Variants in TBX15 observed in about 807,000 individuals in gnomAD.
TBX15 encodes T-box transcription factor TBX15.
In TBX15, 18 loss-of-function variants were observed where a neutral mutation model predicts 53.9. That is an observed-to-expected ratio of 0.33 (90% confidence interval 0.23 to 0.49). The LOEUF (loss-of-function observed/expected upper bound fraction) is 0.49, where lower values mean the gene tolerates loss of function less well. TBX15 is among the 20% of genes least tolerant of loss of function. TBX15 has a pLI of 0.98. For synonymous variants in TBX15, 295 were observed against 278.0 expected, an observed-to-expected ratio of 1.06 and a Z score of -0.61; for missense variants, 692 against 749.5, an observed-to-expected ratio of 0.92 and a Z score of 0.90.
intron 7 of TBX15, among the ~76,000 whole-genome samples, chr1:118,893,141 A>G: frequency 6.6e-6 from 1 of 151,804 alleles, no homozygotes; most frequent in Non-Finnish European, 1.5e-5. Context: ...CAGGAGGCTG[A>G]GGCAGGAGAA....
chr1:118,890,662 C>T (rs532544210), intron 7 of TBX15, among the ~76,000 whole-genome samples: 5 of 152,248 alleles, frequency 3.3e-5, no homozygotes, highest in Admixed American at 6.5e-5. Context: ...ACAAGTTAAA[C>T]GTGACCATGA....
At chr1:118,900,555 A>G (rs1199086954) in intron 6 of TBX15, among the ~76,000 whole-genome samples, 1 of 151,954 alleles carries the variant, frequency 6.6e-6, no homozygotes, top group African/African-American at 2.4e-5. Context: ...GAGGCTTTAA[A>G]TACACCAATG....
chr1:118,962,970 T>G (rs150072415), intron 1 of TBX15, among the ~76,000 whole-genome samples: 205 of 152,320 alleles, frequency 1.3e-3, no homozygotes, highest in African/African-American at 4.7e-3. Flanking sequence ...GAATGAAACT[T>G]TTAAGGAAGA....
rs779157318 is a variant in TBX15 at position 118,926,568 on chromosome 1, G to A, written c.463C>T (p.Pro155Ser). Residue 155 changes from proline to serine, a missense_variant, in exon 3 of 8, where the codon CCA (proline) becomes TCA (serine). Around this residue, in one of 3 missense-constraint regions of TBX15, gnomAD observed 307 missense variants for 347.5 expected, o/e 0.88. Coordinates refer to ENST00000369429, the MANE Select transcript of TBX15 (RefSeq NM_001330677.2). ...AMRVKITGLD[P>S]HQQYYIAMDI... ...ATTGCTATGTAGTACTGCTGATGTG[G>A]ATCTAGGCCAGTGATTTTCACTCTC... 6.2e-7 allele frequency: 1 copy of A among 1,613,938 alleles called. No homozygotes were observed. The highest frequency in any genetic ancestry group is 1.7e-5 in the Admixed American group (1 of 60,012).
Position 118,987,707 on chromosome 1 carries a change from C to A in TBX15, c.89G>T (p.Arg30Leu). The stretch of plus-strand genomic sequence containing the variant: ...CTTCTCCTCCCAGTCTCGCAGTTTC[C>A]GTTTTTTATTTGAGCCGATCAAGGC... ...VEALIGSNKK[R>L]KLRDWEEKGL... is the part of the protein sequence containing the mutation. Residue 30 changes from arginine to leucine, a missense_variant, in exon 1 of 8, where the codon CGG becomes CTG. Physicochemically the swap from Arg to Leu is moderately radical, Grantham distance 102. Around this residue, in one of 3 missense-constraint regions of TBX15, gnomAD observed 307 missense variants for 347.5 expected, o/e 0.88. Transcript: ENST00000369429. 6.4e-7 allele frequency: 1 copy of A among 1,550,442 alleles called. No individual in the cohort carries two copies. The highest frequency in any genetic ancestry group is 8.7e-7 in the Non-Finnish European group (1 of 1,146,864).
At chr1:118,974,451 A>C (rs572998069) in intron 1 of TBX15, among the ~76,000 whole-genome samples, 11 of 152,300 alleles carry the variant, frequency 7.2e-5, no homozygotes, top group African/African-American at 2.4e-4. Context: ...CACGCACCAA[A>C]ACAGGGGCAG....
chr1:118,887,592 T>C (rs147442552), intron 7 of TBX15, among the ~76,000 whole-genome samples: 8,867 of 151,980 alleles, frequency 0.058, 365 homozygotes, highest in Non-Finnish European at 0.088. Context: ...GGAGAATCTC[T>C]TGAGCCCAGG....
chr1:118,954,360 T>C (rs904869916), intron 1 of TBX15, among the ~76,000 whole-genome samples: 1 of 152,214 alleles, frequency 6.6e-6, no homozygotes, highest in African/African-American at 2.4e-5. Context: ...AAGGCAGTTC[T>C]AAAAGCACCA....
At chr1:118,985,846 C>T (rs909084144) in intron 1 of TBX15, among the ~76,000 whole-genome samples, 2 of 152,208 alleles carry the variant, frequency 1.3e-5, no homozygotes, top group Non-Finnish European at 2.9e-5. Flanking sequence ...CCCAGGTTCA[C>T]GCTCTGGAAT....
At chr1:118,973,228 G>T (rs542148590) in intron 1 of TBX15, among the ~76,000 whole-genome samples, 3 of 152,310 alleles carry the variant, frequency 2.0e-5, no homozygotes, top group African/African-American at 7.2e-5. Context: ...ACAGCCAGAA[G>T]AGTTGCTCAA....
chr1:118,884,691 G>A lies in TBX15; in HGVS notation c.*41C>T, dbSNP rs759037360. The stretch of plus-strand genomic sequence containing the variant: ...GAGGATCTGACCACGGAGACTCTGG[G>A]GCCTTGATTGCCAAATGCTCCGTGG... On this transcript the variant is annotated 3_prime_UTR_variant, in exon 8 of 8. Transcript: ENST00000369429. 33 of 1,612,986 alleles carry A rather than the reference G, an allele frequency of 2.0e-5. No individual in the cohort carries two copies. The highest frequency in any genetic ancestry group is 2.8e-5 in the Non-Finnish European group (33 of 1,179,552).
chr1:118,956,818 C>A (rs1233220161), intron 1 of TBX15, among the ~76,000 whole-genome samples: 1 of 151,914 alleles, frequency 6.6e-6, no homozygotes, highest in Non-Finnish European at 1.5e-5. Context: ...CGGAAATTAG[C>A]CAGGCATGGT....
chr1:118,897,429 A>C (rs1446559548), intron 7 of TBX15, among the ~76,000 whole-genome samples: 1 of 152,174 alleles, frequency 6.6e-6, no homozygotes, highest in African/African-American at 2.4e-5. Context: ...ATCCCTGCCA[A>C]CCTTCTCCGA....
chr1:118,981,149 G>A (rs1001582669), intron 1 of TBX15, among the ~76,000 whole-genome samples: 1 of 152,076 alleles, frequency 6.6e-6, no homozygotes, highest in African/African-American at 2.4e-5. Flanking sequence ...TTCTGACTTT[G>A]GTCACAGTCA....
intron 1 of TBX15, among the ~76,000 whole-genome samples, chr1:118,980,637 CTTAG>C (rs67573678): frequency 0.069 from 10,478 of 152,152 alleles, 475 homozygotes; most frequent in East Asian, 0.2. Flanking sequence ...TAAGATTTAT[CTTAG>C]TTATTCCGTT....
At chr1:118,894,785 G>A (rs1010299691) in intron 7 of TBX15, among the ~76,000 whole-genome samples, 33 of 152,174 alleles carry the variant, frequency 2.2e-4, no homozygotes, top group Non-Finnish European at 3.1e-4. Context: ...AAGGAACTTC[G>A]GGGACAAAAC....
chr1:118,893,269 AGAAGGAAGGAAGGAAGGAAG>A (rs373917263), intron 7 of TBX15, among the ~76,000 whole-genome samples: 52 of 61,136 alleles, frequency 8.5e-4, no homozygotes, highest in South Asian at 3.9e-3. Flanking sequence ...AAAGAAAGGA[AGAAGGAAGGAAGGAAGGAAG>A]GAAGGAAGGA....
rs549343137 is a variant in TBX15, at chr1:118,908,471, A to G, written c.926+5644T>C. Among the ~76,000 whole-genome samples the G allele has an allele frequency of 2.6e-5, 4 of 152,186 alleles. No homozygotes were observed. The South Asian group carries it at 8.3e-4, about 32-fold the overall frequency. ...TCTCCCCAAGTAAGAGAAATCTCCC[A>G]GAGGCAACCCTGGATATTGTGCCTG... On this transcript the variant is annotated intron_variant, in intron 6 of 7. Coordinates refer to ENST00000369429, the MANE Select transcript of TBX15 (RefSeq NM_001330677.2).
intron 1 of TBX15, among the ~76,000 whole-genome samples, chr1:118,966,740 T>C (rs949231760): frequency 6.6e-5 from 10 of 152,266 alleles, no homozygotes; most frequent in Non-Finnish European, 1.2e-4. Context: ...TTCCTGCTTC[T>C]AAGATAAGAC....
Sources: gnomAD v4.1 joint callset for allele counts (sites outside exome capture counted in the v4.1 genomes callset) on GRCh38, gnomAD v4.1.1 for gene constraint, gnomAD v4.1.1 regional missense constraint, MANE v1.5 for transcripts, NCBI Gene and HGNC (gene_info 2026-07-23, HGNC 2026-07-21) for gene names.